ZNF486: variants seen among roughly 807,000 people sequenced by gnomAD.
The protein encoded by ZNF486 is KRAB box only protein 2.
In ZNF486, 12 loss-of-function variants were observed where a neutral mutation model predicts 12.8. That is an observed-to-expected ratio of 0.94 (90% CI 0.60 to 1.52). The LOEUF (loss-of-function observed/expected upper bound fraction) is 1.52. ZNF486 is among the 40% of genes most tolerant of loss of function. The probability of loss-of-function intolerance (pLI) is 0.00; values close to 1 mark genes in which losing one functional copy is unlikely to be tolerated. For missense variants in ZNF486, 738 were observed against 545.0 expected (o/e 1.35, Z -3.53); for synonymous variants, 231 against 184.9 (o/e 1.25, Z -2.02).
chr19:20,186,041 C>T lies in ZNF486; in HGVS notation c.212C>T (p.Pro71Leu), dbSNP rs1275636100. ...ACCTGTCTGGAGCAAGGAATAAAAC[C>T]TCTGACTATGAAGAGACATGAGATG... ...LITCLEQGIK[P>L]LTMKRHEMIA... Residue 71 changes from proline (P) to leucine (L), a missense_variant, in exon 3 of 4, where the codon CCT (proline) becomes CTT (leucine). By Grantham distance (98) the Pro-to-Leu change is moderately conservative. Transcript: ENST00000335117. 6 of 1,593,964 alleles carry T rather than the reference C, an allele frequency of 3.8e-6. No individual in the cohort carries two copies. The highest frequency in any genetic ancestry group is 1.4e-5 in the African/African-American group (1 of 73,650).
intron 3 of ZNF486, among the ~76,000 whole-genome samples, chr19:20,190,809 G>T (rs1555717073): frequency 6.6e-6 from 1 of 152,140 alleles, no homozygotes; most frequent in Non-Finnish European, 1.5e-5. Context: ...AAGCCTAGTT[G>T]GTCTATAATA....
chr19:20,194,769 A>G (rs1236002525), intron 3 of ZNF486, among the ~76,000 whole-genome samples: 4 of 152,262 alleles, frequency 2.6e-5, no homozygotes, highest in African/African-American at 4.8e-5. Context: ...GACTATGCTT[A>G]TAAATGGAAC....
rs1568321464 is a variant in ZNF486 at position 20,182,178 on chromosome 19, TCTAA to T, written c.31-2173_31-2170del. ...GGGACCCTGTGCTGTTCCTGCTTTC[TCTAA>T]CTAATGCTAATAATGAGCCAAGGGG... On this transcript the variant is annotated intron_variant, in intron 1 of 3. Coordinates refer to ENST00000335117, the MANE Select transcript of ZNF486 (RefSeq NM_052852.4). Among the ~76,000 whole-genome samples the T allele has an allele frequency of 2.6e-5, 4 of 152,320 alleles. No individual in the cohort carries two copies. The East Asian group carries it at 7.7e-4, about 29-fold the overall frequency.
At chr19:20,188,515 T>C (rs1458161839) in intron 3 of ZNF486, 1 of 398,290 alleles carries the variant, frequency 2.5e-6, no homozygotes, top group African/African-American at 2.1e-5. Context: ...GAGACCCCTC[T>C]TTATAAAAAT....
rs560129228 is a variant in ZNF486 at position 20,198,905 on chromosome 19, T to C, written c.*803T>C. 7.9e-5 allele frequency: 12 copies of C among 152,146 alleles called. No individual in the cohort carries two copies. The highest frequency in any genetic ancestry group is 2.9e-4 in the African/African-American group (12 of 41,104). 9.4% of individuals were successfully genotyped at this position (152,146 alleles called of 1,614,324 possible). The stretch of plus-strand genomic sequence containing the variant: ...AACCTGAAAGATGTGACAGTGCTTT[T>C]CCCAACACCTCCAACTTTTCTATGC... On this transcript the variant is annotated 3_prime_UTR_variant, in exon 4 of 4. Transcript: ENST00000335117.
chr19:20,181,060 C>A (rs1335130435), intron 1 of ZNF486, among the ~76,000 whole-genome samples: 1 of 152,094 alleles, frequency 6.6e-6, no homozygotes, highest in African/African-American at 2.4e-5. Flanking sequence ...CAGAATTCTA[C>A]ATAAGTCCTC....
In ZNF486 at chr19:20,198,126, A is replaced by AT. The variant is rs751270209; in HGVS notation, c.*31dup. ...GACAAAGGATTATTTTATTATTATT[A>AT]TTTTTTTGAGAGGTAATTCTGCTGT... On this transcript the variant is annotated 3_prime_UTR_variant, in exon 4 of 4. Coordinates refer to ENST00000335117, the MANE Select transcript of ZNF486 (RefSeq NM_052852.4). 7.3e-6 allele frequency: 11 copies of AT among 1,514,458 alleles called. No individual in the cohort carries two copies. Among genetic ancestry groups the AT allele is most frequent in the Admixed American group, 4.6e-5 (2 of 43,790 alleles). 93.8% of individuals were successfully genotyped at this position (1,514,458 alleles called of 1,614,324 possible).
intron 2 of ZNF486, among the ~76,000 whole-genome samples, 199 bp from the exon 3 acceptor site, chr19:20,185,788 T>C (rs1159682324): frequency 8.8e-5 from 13 of 148,332 alleles, no homozygotes; most frequent in Non-Finnish European, 1.5e-4. Flanking sequence ...TTTTTACTTA[T>C]TTTACTCCAT....
intron 3 of ZNF486, among the ~76,000 whole-genome samples, chr19:20,195,743 T>G (rs1442639585): frequency 2.6e-5 from 4 of 152,340 alleles, no homozygotes; most frequent in Admixed American, 6.5e-5. Flanking sequence ...TTGTGTTTAT[T>G]GTTTAGTTAA....
rs572497651 is a variant in ZNF486, at chr19:20,186,089, G to A, written c.253+7G>A. ...ATGATTGCCAAACCCCCAGGTAGGT[G>A]CGAATGAAAATGAACACAACAGACA... is the stretch of plus-strand genomic sequence containing the variant. On this transcript the variant is annotated splice_region_variant and intron_variant, in intron 3 of 3. Coordinates refer to ENST00000335117, the MANE Select transcript of ZNF486 (RefSeq NM_052852.4). 1.4e-5 allele frequency: 22 copies of A among 1,573,512 alleles called. No individual in the cohort carries two copies. Among genetic ancestry groups the A allele is most frequent in the Non-Finnish European group, 1.6e-5 (19 of 1,164,736 alleles).
chr19:20,175,864 G>T (rs1257688385), intron 1 of ZNF486, among the ~76,000 whole-genome samples: 2 of 152,206 alleles, frequency 1.3e-5, no homozygotes, highest in Non-Finnish European at 2.9e-5. Context: ...CCCAGATGGG[G>T]TGGTGGCCGG....
chr19:20,185,262 A>G (rs1227743980), intron 2 of ZNF486, among the ~76,000 whole-genome samples: 1 of 152,108 alleles, frequency 6.6e-6, no homozygotes, highest in East Asian at 1.9e-4. Context: ...TTAATGGTAT[A>G]GTAAATAAGA....
intron 3 of ZNF486, among the ~76,000 whole-genome samples, chr19:20,193,899 G>A (rs1367135635): frequency 6.6e-6 from 1 of 151,608 alleles, no homozygotes; most frequent in African/African-American, 2.4e-5. Context: ...TAACATGGGG[G>A]ATTACATAAA....
At chr19:20,186,118 C>T (rs1555716397) in intron 3 of ZNF486, 36 bp downstream of exon 3, 8 of 1,506,808 alleles carry the variant, frequency 5.3e-6, no homozygotes, top group South Asian at 1.3e-5. Context: ...ACAGACAATG[C>T]AGATAAGAGG....
At chr19:20,172,562 G>A (rs1555714037) in intron 1 of ZNF486, among the ~76,000 whole-genome samples, 2 of 152,034 alleles carry the variant, frequency 1.3e-5, no homozygotes, top group Admixed American at 6.6e-5. Context: ...GCTTTCCAAA[G>A]TGCTGGGATT....
chr19:20,172,415 C>T lies in ZNF486; in HGVS notation c.30+5055C>T, dbSNP rs567431167. On this transcript the variant is annotated intron_variant, in intron 1 of 3. Coordinates refer to ENST00000335117, the MANE Select transcript of ZNF486 (RefSeq NM_052852.4). ...TCACCTTCGAGTGATTCTCCTGCCT[C>T]AGCCTCCTGAGTAGCTGGGATTACA... 2.6e-5 allele frequency among the ~76,000 whole-genome samples: 4 copies of T among 152,134 alleles called. No individual in the cohort carries two copies. The South Asian group carries it at 8.3e-4, about 32-fold the overall frequency.
At chr19:20,188,252 T>C in intron 3 of ZNF486, 1 of 385,808 alleles carries the variant, frequency 2.6e-6, no homozygotes, top group East Asian at 3.7e-5. Context: ...ATATATTTCC[T>C]TTTGTGAGAG....
intron 1 of ZNF486, among the ~76,000 whole-genome samples, chr19:20,167,649 C>G (rs2089599404): frequency 6.6e-6 from 1 of 152,294 alleles, no homozygotes; most frequent in Admixed American, 6.5e-5. Context: ...GTGCGGGAAC[C>G]ACGAGAAGGT....
chr19:20,183,068 C>G (rs1474079835), intron 1 of ZNF486, among the ~76,000 whole-genome samples: 1 of 152,130 alleles, frequency 6.6e-6, no homozygotes, highest in Admixed American at 6.6e-5. Context: ...TTATGATAGT[C>G]AAGGGTCTCT....
Sources: allele counts gnomAD v4.1 joint callset (sites outside exome capture counted in the v4.1 genomes callset), GRCh38; gene constraint gnomAD v4.1.1; transcripts MANE v1.5; gene names NCBI Gene and HGNC (gene_info 2026-07-23, HGNC 2026-07-21).